The following SPNS3 variants were observed in gnomAD, a reference collection of about 807,000 sequenced individuals.
The protein encoded by SPNS3 is SPNS lysolipid transporter 3, sphingosine-1-phosphate (putative), also known as protein spinster homolog 3.
SPNS3 carries 51 observed loss-of-function variants against 54.4 expected under a neutral mutation model. That is an observed-to-expected ratio of 0.94 (90% CI 0.75 to 1.18). The LOEUF is 1.18. Among genes scored for constraint, SPNS3 ranks in the 50% most tolerant of loss-of-function variants. The pLI, the probability that SPNS3 is intolerant of heterozygous loss-of-function variation, is 0.00. For synonymous variants in SPNS3, 309 were observed against 294.7 expected, an observed-to-expected ratio of 1.05 and a Z score of -0.50; for missense variants, 669 against 677.4, an observed-to-expected ratio of 0.99 and a Z score of 0.14.
At chr17:4,463,801 G>C (rs554003267) in intron 8 of SPNS3, among the ~76,000 whole-genome samples, 1 of 151,638 alleles carries the variant, frequency 6.6e-6, no homozygotes, top group South Asian at 2.1e-4. Context: ...CATGCTAAAT[G>C]TATATTGTAT....
chr17:4,457,660 G>GC (rs1971350244), intron 8 of SPNS3, among the ~76,000 whole-genome samples: 1 of 152,192 alleles, frequency 6.6e-6, no homozygotes, highest in Admixed American at 6.5e-5. Context: ...GGGGCTGGGG[G>GC]CCCCCTGCCA....
At chr17:4,472,788 T>A (rs932385382) in intron 8 of SPNS3, among the ~76,000 whole-genome samples, 6,853 of 125,982 alleles carry the variant, frequency 0.054, 309 homozygotes, top group Middle Eastern at 0.13. Flanking sequence ...TTTTTTTTTT[T>A]TTTTTTTTTT....
intron 8 of SPNS3, among the ~76,000 whole-genome samples, chr17:4,468,831 G>A (rs113872668): frequency 0.044 from 6,114 of 139,132 alleles, 159 homozygotes; most frequent in South Asian, 0.086. Context: ...TCTTGTCACC[G>A]AGGCTGGAGG....
rs539814942 is a variant in SPNS3, at chr17:4,474,146, G to A, written c.1114-4426G>A. ...ACCAGAAGAGCTCACAATCTCAGCC[G>A]AATTGTCTGGGAGGACGCAAAGGTT... On this transcript the variant is annotated intron_variant, in intron 8 of 11. Transcript: ENST00000355530. Among the ~76,000 whole-genome samples the A allele has an allele frequency of 9.2e-5, 14 of 152,316 alleles. No homozygotes were observed. The East Asian group carries it at 1.7e-3, about 19-fold the overall frequency.
chr17:4,474,256 C>T (rs1971931016), intron 8 of SPNS3, among the ~76,000 whole-genome samples: 1 of 152,266 alleles, frequency 6.6e-6, no homozygotes, highest in African/African-American at 2.4e-5. Flanking sequence ...AGGCGGTGCC[C>T]TCGTGCCCCA....
chr17:4,468,980 G>C (rs534172565), intron 8 of SPNS3, among the ~76,000 whole-genome samples: 2 of 151,950 alleles, frequency 1.3e-5, no homozygotes, highest in South Asian at 2.1e-4. Context: ...AGAGACGGGG[G>C]TTTCACGATG....
At chr17:4,463,781 T>A (rs1316322463) in intron 8 of SPNS3, among the ~76,000 whole-genome samples, 3 of 151,846 alleles carry the variant, frequency 2.0e-5, no homozygotes, top group African/African-American at 7.3e-5. Context: ...CAATATACAT[T>A]TAGCATGAAC....
At position 4,442,522 on chromosome 17, in the gene SPNS3, G is replaced by T. The variant is rs554002314; in HGVS notation, c.266-2510G>T. ...CACTCCAGACTGGGCCACAGAGCAA[G>T]ACTGTCTCAAAAAAAAAACAAAAAA... On this transcript the variant is annotated intron_variant, in intron 2 of 11. Coordinates refer to ENST00000355530, the MANE Select transcript of SPNS3 (RefSeq NM_182538.5). Among the ~76,000 whole-genome samples, 17 of 149,096 alleles carry T rather than the reference G, an allele frequency of 1.1e-4. No individual in the cohort carries two copies. In the South Asian group the frequency reaches 3.6e-3, roughly 31 times the overall value.
chr17:4,454,415 G>A (rs1393623057), intron 8 of SPNS3, among the ~76,000 whole-genome samples: 2 of 152,232 alleles, frequency 1.3e-5, no homozygotes, highest in Non-Finnish European at 1.5e-5. Flanking sequence ...AGATGCGCTT[G>A]CACATGTTAA....
intron 8 of SPNS3, among the ~76,000 whole-genome samples, chr17:4,463,039 G>C (rs1971579361): frequency 6.6e-6 from 1 of 151,882 alleles, no homozygotes. Flanking sequence ...TTCTTGGGTG[G>C]GCATGTGTGC....
At chr17:4,438,527 G>C (rs936306714) in intron 1 of SPNS3, among the ~76,000 whole-genome samples, 7 of 152,220 alleles carry the variant, frequency 4.6e-5, no homozygotes, top group Admixed American at 4.6e-4. Context: ...GACACCAAGA[G>C]GCTATCAGGA....
chr17:4,471,443 T>G (rs55959226), intron 8 of SPNS3, among the ~76,000 whole-genome samples: 17,397 of 152,188 alleles, frequency 0.11, 1,324 homozygotes, highest in African/African-American at 0.22. Context: ...GTTCATTTAT[T>G]CGTGAGATTG....
chr17:4,471,614 C>G lies in SPNS3; in HGVS notation c.1114-6958C>G, dbSNP rs377564385. On this transcript the variant is annotated intron_variant, in intron 8 of 11. Coordinates refer to ENST00000355530, the MANE Select transcript of SPNS3 (RefSeq NM_182538.5). ...CCAAGTAGCTGAGACCACAGGCATG[C>G]ACCACCACACCCAGCTAATTTTTGT... 6.6e-3 allele frequency among the ~76,000 whole-genome samples: 1,005 copies of G among 152,000 alleles called. 3 individuals are homozygous for G. The highest frequency in any genetic ancestry group is 0.022 in the African/African-American group (898 of 41,448).
chr17:4,441,983 AGTGTGTGTGTGTGT>A (rs373836833), intron 2 of SPNS3, among the ~76,000 whole-genome samples: 1 of 139,108 alleles, frequency 7.2e-6, no homozygotes, highest in East Asian at 2.1e-4. Context: ...CGGAGGGAGA[AGTGTGTGTGTGTGT>A]GTGTGTGTGT....
chr17:4,454,077 G>A (rs1208841212), intron 8 of SPNS3, among the ~76,000 whole-genome samples: 3 of 152,028 alleles, frequency 2.0e-5, no homozygotes, highest in South Asian at 2.1e-4. Flanking sequence ...CTCAAAGTCC[G>A]CTTCCTCCAA....
chr17:4,478,220 C>T (rs1382962652), intron 8 of SPNS3, among the ~76,000 whole-genome samples: 1 of 152,000 alleles, frequency 6.6e-6, no homozygotes, highest in Non-Finnish European at 1.5e-5. Context: ...GATCCGCCCA[C>T]CTCAGCCTCC....
chr17:4,435,880 T>C (rs1970704844), intron 1 of SPNS3, among the ~76,000 whole-genome samples: 1 of 151,946 alleles, frequency 6.6e-6, no homozygotes, highest in Non-Finnish European at 1.5e-5. Context: ...TGCGGTGAGC[T>C]GAGATCGTGC....
chr17:4,444,465 T>G (rs1238968801), intron 2 of SPNS3, among the ~76,000 whole-genome samples: 1 of 151,972 alleles, frequency 6.6e-6, no homozygotes, highest in Non-Finnish European at 1.5e-5. Context: ...TCAGGCAATC[T>G]GCCCGCCTCA....
chr17:4,468,737 C>CTTTCTTTCTTTCTTTCT (rs1971759306), intron 8 of SPNS3, among the ~76,000 whole-genome samples: 1 of 140,550 alleles, frequency 7.1e-6, no homozygotes, highest in Non-Finnish European at 1.5e-5. Flanking sequence ...TTCTTTCTTT[C>CTTTCTTTCTTTCTTTCT]TTTCTTTCTT....
Sources: allele counts gnomAD v4.1 joint callset (sites outside exome capture counted in the v4.1 genomes callset), GRCh38; gene constraint gnomAD v4.1.1; transcripts MANE v1.5; gene names NCBI Gene and HGNC (gene_info 2026-07-23, HGNC 2026-07-21).